The following FGGY variants were observed in gnomAD, a reference collection of about 807,000 sequenced individuals.
The protein encoded by FGGY is FGGY carbohydrate kinase domain-containing protein.
A neutral mutation model predicts 71.3 loss-of-function variants in FGGY; 72 were observed. The ratio of observed to expected loss-of-function variants is 1.01; its 90% CI spans 0.84 to 1.23. The LOEUF is 1.23. Ranked by LOEUF, FGGY falls within the 50% of genes most tolerant of loss-of-function variation. The pLI, the probability that FGGY is intolerant of heterozygous loss-of-function variation, is 0.00. For missense variants in FGGY, 668 were observed against 682.3 expected, an observed-to-expected ratio of 0.98 and a Z score of 0.23; for synonymous variants, 251 against 250.3, an observed-to-expected ratio of 1.00 and a Z score of -0.02.
At chr1:59,476,985 A>G (rs1384549039) in intron 6 of FGGY, among the ~76,000 whole-genome samples, 2 of 152,234 alleles carry the variant, frequency 1.3e-5, no homozygotes, top group Admixed American at 6.5e-5. Context: ...CCTTAATCAC[A>G]TTAAAATTCA....
chr1:59,385,359 TTAA>T (rs1338350921), intron 5 of FGGY, among the ~76,000 whole-genome samples: 5 of 151,518 alleles, frequency 3.3e-5, no homozygotes, highest in African/African-American at 1.2e-4. Flanking sequence ...GCTATTTTTG[TTAA>T]TAATAATAAT....
At chr1:59,353,506 CATTT>C (rs1379309242) in intron 4 of FGGY, among the ~76,000 whole-genome samples, 2 of 152,120 alleles carry the variant, frequency 1.3e-5, no homozygotes, top group African/African-American at 4.8e-5. Context: ...TTCAGTCATT[CATTT>C]ATTTGAATCA....
At chr1:59,296,832 C>G (rs1219359488), upstream of FGGY, 1 of 152,518 alleles carries the variant, frequency 6.6e-6, no homozygotes, top group Non-Finnish European at 1.5e-5. Flanking sequence ...CCGCCCTGCT[C>G]AGGCGCCGTG....
intron 8 of FGGY, among the ~76,000 whole-genome samples, chr1:59,598,772 A>G (rs953549893): frequency 1.3e-5 from 2 of 152,214 alleles, no homozygotes; most frequent in Non-Finnish European, 2.9e-5. Context: ...TACAGATAAT[A>G]TTAGATGTGT....
chr1:59,340,718 T>C (rs181956321), intron 3 of FGGY, among the ~76,000 whole-genome samples: 90 of 152,300 alleles, frequency 5.9e-4, no homozygotes, highest in African/African-American at 2.1e-3. Context: ...ACGTTTGTAC[T>C]GGGGTTACAA....
chr1:59,414,027 G>C (rs992896608), intron 5 of FGGY, among the ~76,000 whole-genome samples: 2 of 152,192 alleles, frequency 1.3e-5, no homozygotes, highest in South Asian at 2.1e-4. Context: ...ACAAAAATCT[G>C]CTGGAAAGTA....
chr1:59,567,376 T>C (rs1327963259), intron 8 of FGGY, among the ~76,000 whole-genome samples: 1 of 152,108 alleles, frequency 6.6e-6, no homozygotes, highest in Non-Finnish European at 1.5e-5. Flanking sequence ...TAATTGCCAA[T>C]TTGTATTTGG....
At chr1:59,384,725 T>C (rs2059883044) in intron 5 of FGGY, among the ~76,000 whole-genome samples, 1 of 152,168 alleles carries the variant, frequency 6.6e-6, no homozygotes, top group Non-Finnish European at 1.5e-5. Flanking sequence ...CTGAGCCTTA[T>C]TTCCTCATCC....
intron 14 of FGGY, among the ~76,000 whole-genome samples, chr1:59,689,857 C>T (rs965223879): frequency 2.6e-5 from 4 of 152,116 alleles, no homozygotes; most frequent in African/African-American, 4.8e-5. Flanking sequence ...CACTTTCTAC[C>T]AGCTCAAAAT....
chr1:59,489,171 C>T (rs757035302), intron 6 of FGGY, among the ~76,000 whole-genome samples: 15 of 151,880 alleles, frequency 9.9e-5, no homozygotes, highest in African/African-American at 2.7e-4. Context: ...GTGTAGTGAT[C>T]GGGTCAGTGT....
At chr1:59,476,010 C>A (rs1200766320) in intron 6 of FGGY, among the ~76,000 whole-genome samples, 1 of 152,220 alleles carries the variant, frequency 6.6e-6, no homozygotes, top group Admixed American at 6.5e-5. Context: ...ACCATGCCCC[C>A]ACGTAGTCAC....
In FGGY at chr1:59,298,692, A is replaced by G. The variant is rs74504391; in HGVS notation, c.-15+1542A>G. ...GCTGGTTTTTAAAATAATTTGAGGTAATGAATCTTGCCCTTAATCTCCTAG... is the reference window on the plus strand; with the variant it reads ...GCTGGTTTTTAAAATAATTTGAGGTGATGAATCTTGCCCTTAATCTCCTAG... On this transcript the variant is annotated intron_variant, in intron 1 of 15. Transcript: ENST00000303721. 3.9e-3 allele frequency among the ~76,000 whole-genome samples: 600 copies of G among 152,306 alleles called. 4 individuals carry two copies. The highest frequency in any genetic ancestry group is 0.014 in the African/African-American group (581 of 41,570).
intron 5 of FGGY, among the ~76,000 whole-genome samples, chr1:59,455,652 T>G (rs997198718): frequency 1.3e-5 from 2 of 152,190 alleles, no homozygotes; most frequent in East Asian, 3.9e-4. Flanking sequence ...GAACAGATTA[T>G]AAGGCAATAA....
chr1:59,315,310 G>A (rs547487497), intron 1 of FGGY, among the ~76,000 whole-genome samples: 1 of 151,722 alleles, frequency 6.6e-6, no homozygotes, highest in Non-Finnish European at 1.5e-5. Flanking sequence ...TCAATCAAAG[G>A]ATTTCTTAGT....
chr1:59,300,510 A>T (rs2042598134), intron 1 of FGGY, among the ~76,000 whole-genome samples: 1 of 152,234 alleles, frequency 6.6e-6, no homozygotes, highest in Admixed American at 6.5e-5. Flanking sequence ...AATAAATGTT[A>T]CCAATCTGAA....
intron 9 of FGGY, among the ~76,000 whole-genome samples, chr1:59,608,784 C>T (rs959724850): frequency 2.6e-5 from 4 of 152,154 alleles, no homozygotes; most frequent in African/African-American, 9.7e-5. Flanking sequence ...TTACAGTGAA[C>T]TGAGAATGCA....
intron 6 of FGGY, among the ~76,000 whole-genome samples, chr1:59,498,672 C>T (rs146997231): frequency 7.2e-5 from 11 of 152,298 alleles, no homozygotes; most frequent in African/African-American, 2.6e-4. Flanking sequence ...GTTCATGCTG[C>T]CATCCTAGCA....
intron 4 of FGGY, among the ~76,000 whole-genome samples, chr1:59,366,947 A>C (rs1195164932): frequency 6.6e-6 from 1 of 152,162 alleles, no homozygotes; most frequent in African/African-American, 2.4e-5. Context: ...GGGAAAGTAA[A>C]AGAGGTGAGA....
chr1:59,586,059 T>G (rs1053014973), intron 8 of FGGY, among the ~76,000 whole-genome samples: 49 of 152,312 alleles, frequency 3.2e-4, no homozygotes, highest in East Asian at 7.7e-4. Context: ...TACACTGTTG[T>G]TGGGACTGTA....
Sources: allele counts gnomAD v4.1 joint callset (sites outside exome capture counted in the v4.1 genomes callset), GRCh38; gene constraint gnomAD v4.1.1; transcripts MANE v1.5; gene names NCBI Gene and HGNC (gene_info 2026-07-23, HGNC 2026-07-21).